The following GRIK2 variants were observed in gnomAD, a reference collection of about 807,000 sequenced individuals.
GRIK2 encodes the protein glutamate ionotropic receptor kainate type subunit 2, also known as glutamate receptor ionotropic, kainate 2.
GRIK2 carries 32 observed loss-of-function variants against 100.3 expected under a neutral mutation model. The ratio of observed to expected loss-of-function variants is 0.32; its 90% CI spans 0.24 to 0.43. The LOEUF is 0.43. Among genes scored for constraint, GRIK2 ranks in the 20% least tolerant of loss-of-function variants. The probability of loss-of-function intolerance (pLI) is 1.00; values close to 1 mark genes in which losing one functional copy is unlikely to be tolerated. For missense variants in GRIK2, 843 were observed against 1,114.9 expected, an observed-to-expected ratio of 0.76 and a Z score of 3.47; for synonymous variants, 417 against 389.4, an observed-to-expected ratio of 1.07 and a Z score of -0.83.
rs371284660 is a variant in GRIK2, at chr6:102,059,332, G to T, written c.2562+3752G>T. 2.6e-5 allele frequency among the ~76,000 whole-genome samples: 4 copies of T among 151,234 alleles called. No individual in the cohort carries two copies. The South Asian group carries it at 6.2e-4, about 23-fold the overall frequency. On this transcript the variant is annotated intron_variant, in intron 16 of 16. Coordinates refer to ENST00000369134, the MANE Select transcript of GRIK2 (RefSeq NM_021956.5). ...TTTATTCAAACTTTTAAAATACTCA[G>T]AACCTTTTCTCATCTGAATGTGTCT...
intron 2 of GRIK2, among the ~76,000 whole-genome samples, chr6:101,499,503 A>G (rs533155964): frequency 2.0e-5 from 3 of 152,276 alleles, no homozygotes; most frequent in African/African-American, 7.2e-5. Flanking sequence ...ATGATATTTA[A>G]GTACTTTTTA....
intron 2 of GRIK2, among the ~76,000 whole-genome samples, chr6:101,542,979 C>T (rs1416348722): frequency 6.6e-6 from 1 of 151,994 alleles, no homozygotes; most frequent in East Asian, 1.9e-4. Context: ...TGGATAATGA[C>T]ATATATGTTA....
chr6:101,455,189 T>A (rs1236250635), intron 2 of GRIK2, among the ~76,000 whole-genome samples: 1 of 152,024 alleles, frequency 6.6e-6, no homozygotes, highest in East Asian at 1.9e-4. Context: ...TCTGGCTAAG[T>A]GGACTAATTT....
chr6:101,567,251 ATTCT>A (rs1777321489), intron 2 of GRIK2, among the ~76,000 whole-genome samples: 1 of 151,812 alleles, frequency 6.6e-6, no homozygotes, highest in South Asian at 2.1e-4. Context: ...GTTCATTCAC[ATTCT>A]TTCTATCTTA....
chr6:101,591,856 G>A (rs140499127), intron 2 of GRIK2, among the ~76,000 whole-genome samples: 102 of 152,106 alleles, frequency 6.7e-4, no homozygotes, highest in African/African-American at 2.3e-3. Flanking sequence ...TATATTCATT[G>A]GTGATATGGT....
At chr6:101,526,233 T>G (rs143332388) in intron 2 of GRIK2, among the ~76,000 whole-genome samples, 10 of 152,296 alleles carry the variant, frequency 6.6e-5, no homozygotes, top group African/African-American at 1.7e-4. Flanking sequence ...AATAGGGTAT[T>G]GATTTGCTTC....
intron 14 of GRIK2, among the ~76,000 whole-genome samples, chr6:101,966,321 T>C (rs1792672611): frequency 6.6e-6 from 1 of 152,058 alleles, no homozygotes; most frequent in Non-Finnish European, 1.5e-5. Flanking sequence ...GACACAAAAG[T>C]TTTAGGTGTG....
intron 12 of GRIK2, chr6:101,890,075 A>G (rs186147186): frequency 2.4e-5 from 13 of 551,466 alleles, no homozygotes; most frequent in East Asian, 9.0e-5. Context: ...TCAGTAAGCT[A>G]TAAGTGTTAT....
At chr6:101,734,275 A>T (rs542420959) in intron 7 of GRIK2, among the ~76,000 whole-genome samples, 1 of 152,320 alleles carries the variant, frequency 6.6e-6, no homozygotes, top group Admixed American at 6.5e-5. Flanking sequence ...CAGAAGAGTT[A>T]ATGTTATAGT....
chr6:101,751,488 C>CT (rs1674745268), intron 7 of GRIK2, among the ~76,000 whole-genome samples: 2 of 152,170 alleles, frequency 1.3e-5, no homozygotes, highest in South Asian at 4.1e-4. Context: ...AAAATATGGG[C>CT]TTTAAAAACC....
intron 7 of GRIK2, among the ~76,000 whole-genome samples, chr6:101,796,156 A>T (rs6937553): frequency 6.6e-6 from 1 of 152,128 alleles, no homozygotes; most frequent in African/African-American, 2.4e-5. Context: ...TCTATATGCT[A>T]TGGTTTGTTT....
intron 2 of GRIK2, among the ~76,000 whole-genome samples, chr6:101,619,597 A>G (rs1423674350): frequency 6.6e-5 from 10 of 151,964 alleles, no homozygotes; most frequent in Non-Finnish European, 8.8e-5. Flanking sequence ...AAAGTAGAAG[A>G]TTCAGTTTTT....
intron 2 of GRIK2, among the ~76,000 whole-genome samples, chr6:101,402,456 T>C (rs1164928849): frequency 6.6e-6 from 1 of 152,086 alleles, no homozygotes; most frequent in African/African-American, 2.4e-5. Flanking sequence ...GCTGGCCTGC[T>C]CCTCTGCAGC....
intron 2 of GRIK2, among the ~76,000 whole-genome samples, chr6:101,414,988 A>T: frequency 6.9e-6 from 1 of 145,948 alleles, no homozygotes. Context: ...TGTGGTGTGT[A>T]TATGTGTGTG....
chr6:101,442,435 G>A (rs1770121902), intron 2 of GRIK2, among the ~76,000 whole-genome samples: 1 of 152,052 alleles, frequency 6.6e-6, no homozygotes, highest in Admixed American at 6.6e-5. Flanking sequence ...CTGCCAGTCA[G>A]TGCGCCGGCT....
intron 7 of GRIK2, among the ~76,000 whole-genome samples, chr6:101,735,641 C>T (rs901399330): frequency 6.6e-6 from 1 of 152,106 alleles, no homozygotes; most frequent in Non-Finnish European, 1.5e-5. Flanking sequence ...GTGAAAGACC[C>T]ATCCCTATTA....
rs543555809 is a variant in GRIK2 at position 101,661,084 on chromosome 6, C to A, written c.542-15539C>A. On this transcript the variant is annotated intron_variant, in intron 4 of 16. Transcript: ENST00000369134. ...GCTGAATCTGTGCCCACAGCTGCCC[C>A]TTCCCTCAGGTGCTCTGTCTAGGAA... Among the ~76,000 whole-genome samples, 7 of 152,254 alleles carry A rather than the reference C, an allele frequency of 4.6e-5. No individual in the cohort carries two copies. In the South Asian group the frequency reaches 1.4e-3, roughly 32 times the overall value.
At chr6:101,876,920 A>T (rs1399427805) in intron 11 of GRIK2, among the ~76,000 whole-genome samples, 1 of 151,916 alleles carries the variant, frequency 6.6e-6, no homozygotes, top group East Asian at 1.9e-4. Flanking sequence ...ATTCCCCTAC[A>T]TCTCTATACA....
At chr6:101,781,217 A>G (rs1417435649) in intron 7 of GRIK2, among the ~76,000 whole-genome samples, 3 of 152,100 alleles carry the variant, frequency 2.0e-5, no homozygotes, top group Non-Finnish European at 4.4e-5. Context: ...TTATCCTTAT[A>G]GTGATCAGAT....
Sources: allele counts gnomAD v4.1 joint callset (sites outside exome capture counted in the v4.1 genomes callset), GRCh38; gene constraint gnomAD v4.1.1; transcripts MANE v1.5; gene names NCBI Gene and HGNC (gene_info 2026-07-23, HGNC 2026-07-21).